RIF1: variants seen among roughly 807,000 people sequenced by gnomAD.
RIF1 encodes telomere-associated protein RIF1.
A neutral mutation model predicts 247.1 loss-of-function variants in RIF1; 45 were observed. The observed-to-expected ratio is 0.18, with a 90% CI of 0.14 to 0.23. RIF1 has a LOEUF of 0.23. RIF1 is among the 10% of genes least tolerant of loss of function. The pLI is 1.00. For synonymous variants in RIF1, 1,087 were observed against 978.8 expected, an observed-to-expected ratio of 1.11 and a Z score of -2.06; for missense variants, 2,967 against 2,862.5, an observed-to-expected ratio of 1.04 and a Z score of -0.83.
At chr2:151,524,341 C>T in the RIF1 span, 1 of 1,613,912 alleles carries the variant, frequency 6.2e-7, no homozygotes, top group Non-Finnish European at 8.5e-7. Context: ...CCTTCTTGGC[C>T]ATTTCTATGT....
At chr2:151,458,577 A>C (rs1377008721) in intron 24 of RIF1, among the ~76,000 whole-genome samples, 1 of 152,104 alleles carries the variant, frequency 6.6e-6, no homozygotes, top group Non-Finnish European at 1.5e-5. Context: ...ATAATATTCT[A>C]CTTCTTATTG....
the RIF1 span, among the ~76,000 whole-genome samples, chr2:151,519,317 T>A: frequency 5.3e-5 from 8 of 152,216 alleles, no homozygotes; most frequent in Non-Finnish European, 8.8e-5. Flanking sequence ...AGTTCTGATA[T>A]ATCCTACAAC....
At chr2:151,533,757 G>A in the RIF1 span, among the ~76,000 whole-genome samples, 7 of 152,186 alleles carry the variant, frequency 4.6e-5, no homozygotes, top group Non-Finnish European at 1.0e-4. Flanking sequence ...CTTGTGAATG[G>A]GGAATGATAC....
At chr2:151,456,544 A>C (rs769678212) in intron 22 of RIF1, 34 bp from the exon 23 acceptor site, 2 of 1,220,072 alleles carry the variant, frequency 1.6e-6, no homozygotes, top group Non-Finnish European at 2.4e-6. Context: ...TAACTTGCAG[A>C]AATATAAATG....
intron 10 of RIF1, 44 bp from the exon 11 acceptor site, chr2:151,435,419 A>G: frequency 9.5e-7 from 1 of 1,052,426 alleles, no homozygotes; most frequent in Non-Finnish European, 1.5e-6. Context: ...AAAAACTGTG[A>G]CAGTTGTATA....
chr2:151,500,461 A>G (rs1236615559), intron 11 of RIF1, among the ~76,000 whole-genome samples: 1 of 152,098 alleles, frequency 6.6e-6, no homozygotes, highest in East Asian at 1.9e-4. Flanking sequence ...TTCAGCAACA[A>G]TATTAATAAA....
At chr2:151,527,727 C>A in the RIF1 span, 1 of 647,376 alleles carries the variant, frequency 1.5e-6, no homozygotes, top group South Asian at 2.0e-5. Context: ...ATTGAAATTT[C>A]TGTACAATTT....
Position 151,409,959 on chromosome 2 carries a change from T to A in RIF1, c.-85T>A. ...GCACGCGTGAGTAAACAGCCGGAGC[T>A]GGGAAAGTCGAGCTCTGGCAGCGTC... On this transcript the variant is annotated 5_prime_UTR_variant, in exon 1 of 36. Coordinates refer to ENST00000444746, the MANE Select transcript of RIF1 (RefSeq NM_018151.5). 1.4e-6 allele frequency: 1 copy of A among 701,470 alleles called. No homozygotes were observed. Among genetic ancestry groups the A allele is most frequent in the Non-Finnish European group, 2.6e-6 (1 of 384,516 alleles). The allele number at this position is 701,470 out of a possible 1,614,324, so 43.5% of individuals were successfully genotyped here.
chr2:151,493,215 T>A (rs2057932944), intron 9 of RIF1: 1 of 675,960 alleles, frequency 1.5e-6, no homozygotes, highest in Non-Finnish European at 2.5e-6. Context: ...TGTTAAAACG[T>A]TACTTTCCAA....
At chr2:151,434,963 AT>A (rs897371806) in intron 10 of RIF1, among the ~76,000 whole-genome samples, 10 of 152,070 alleles carry the variant, frequency 6.6e-5, no homozygotes, top group African/African-American at 2.2e-4. Context: ...TAATTTTTTA[AT>A]TATTGAGTTT....
In RIF1 at chr2:151,500,394, TGATATA is replaced by T. The variant is rs2063498160; in HGVS notation, c.*709+857_*709+862del. ...ACAGGTATAAGTGAACCTAAGGTCT[TGATATA>T]GAAGCTTCAGAGTTGTATATAATAC... On this transcript the variant is annotated intron_variant and NMD_transcript_variant, in intron 11 of 13. Coordinates refer to the RIF1 transcript ENST00000454583. Among the ~76,000 whole-genome samples, 11 of 150,378 alleles carry T rather than the reference TGATATA, an allele frequency of 7.3e-5. No homozygotes were observed. The South Asian group carries it at 2.3e-3, about 32-fold the overall frequency.
chr2:151,518,462 G>C, the RIF1 span: 1 of 1,238,522 alleles, frequency 8.1e-7, no homozygotes, highest in Non-Finnish European at 1.2e-6. Flanking sequence ...TGATGGAGAA[G>C]CTGCTCAGCA....
At chr2:151,452,416 G>T (rs1445542242) in intron 21 of RIF1, among the ~76,000 whole-genome samples, 3 of 152,160 alleles carry the variant, frequency 2.0e-5, no homozygotes, top group Admixed American at 2.0e-4. Context: ...TTGATGTTGA[G>T]ATATATTATT....
the RIF1 span, chr2:151,533,685 A>G: frequency 8.3e-6 from 5 of 599,690 alleles, no homozygotes; most frequent in South Asian, 8.7e-5. Flanking sequence ...GGGTGAAGAC[A>G]TCAAATACAT....
chr2:151,444,077 G>A (rs1047819688), intron 18 of RIF1, among the ~76,000 whole-genome samples: 4 of 152,298 alleles, frequency 2.6e-5, no homozygotes, highest in Middle Eastern at 3.4e-3. Flanking sequence ...TTACCTCAAA[G>A]CCATATAGCA....
exon 13 of RIF1, chr2:151,506,327 CT>C: frequency 8.5e-7 from 1 of 1,174,636 alleles, no homozygotes; most frequent in Non-Finnish European, 1.2e-6. Flanking sequence ...TGGAGAAAGA[CT>C]AGGACACATG....
At chr2:151,506,765 A>G (rs1225005284) in intron 13 of RIF1, 7 of 623,254 alleles carry the variant, frequency 1.1e-5, no homozygotes, top group African/African-American at 1.9e-5. Flanking sequence ...GGAGCAAAGT[A>G]TTGGGGATTT....
intron 24 of RIF1, 21 bp downstream of exon 24, chr2:151,457,984 A>G (rs773731231): frequency 6.6e-7 from 1 of 1,525,090 alleles, no homozygotes; most frequent in South Asian, 1.1e-5. Flanking sequence ...AACAAAACTT[A>G]TATACAACTA....
chr2:151,462,979 T>G lies in RIF1; in HGVS notation c.3459T>G (p.Asn1153Lys), dbSNP rs757019802. The G allele has an allele frequency of 6.2e-7, 1 of 1,614,030 alleles. No individual in the cohort carries two copies. Among genetic ancestry groups the G allele is most frequent in the Non-Finnish European group, 8.5e-7 (1 of 1,179,914 alleles). The change falls in exon 30 of 36, where the codon AAT (asparagine) becomes AAG (lysine). Residue 1153 changes from asparagine to lysine, a missense_variant. Asn to Lys is a moderately conservative substitution (Grantham distance 94). Transcript: ENST00000444746. Reference protein sequence around the residue: ...EHLEKSSLSNNECGSLDKTSP... With the variant: ...EHLEKSSLSNKECGSLDKTSP... ...TTGAAAAGTCCTCCCTTTCGAATAA[T>G]GAGTGTGGTTCTCTTGACAAAACCA...
Sources: gnomAD v4.1 joint callset for allele counts (sites outside exome capture counted in the v4.1 genomes callset) on GRCh38, gnomAD v4.1.1 for gene constraint, MANE v1.5 for transcripts, NCBI Gene and HGNC (gene_info 2026-07-23, HGNC 2026-07-21) for gene names.